AGBL4: variants seen among roughly 807,000 people sequenced by gnomAD.
The protein encoded by AGBL4 is cytosolic carboxypeptidase 6.
In AGBL4, 58 loss-of-function variants were observed where a neutral mutation model predicts 66.4. The observed-to-expected ratio is 0.87, with a 90% CI of 0.71 to 1.09. The LOEUF (loss-of-function observed/expected upper bound fraction) is 1.09, where lower values mean the gene tolerates loss of function less well. AGBL4 is among the 50% of genes least tolerant of loss of function. The pLI, the probability that AGBL4 is intolerant of heterozygous loss-of-function variation, is 0.00. For missense variants in AGBL4, 579 were observed against 631.0 expected (o/e 0.92, Z 0.88); for synonymous variants, 234 against 222.9 (o/e 1.05, Z -0.44).
intron 2 of AGBL4, chr1:49,845,848 G>A (rs1646128610): frequency 7.5e-6 from 11 of 1,458,368 alleles, no homozygotes; most frequent in South Asian, 2.3e-5. Context: ...CAGTCAGTGT[G>A]GGAAGGCCTT....
At chr1:49,284,407 A>G (rs1049316310) in intron 3 of AGBL4, among the ~76,000 whole-genome samples, 2 of 152,322 alleles carry the variant, frequency 1.3e-5, no homozygotes, top group Non-Finnish European at 1.5e-5. Flanking sequence ...GGTACCAGCC[A>G]CTGCAAAATC....
At chr1:49,060,882 T>C (rs899316901) in intron 4 of AGBL4, among the ~76,000 whole-genome samples, 1 of 152,118 alleles carries the variant, frequency 6.6e-6, no homozygotes, top group Non-Finnish European at 1.5e-5. Flanking sequence ...TAGCTTCAAG[T>C]GATCTGGAGT....
chr1:49,153,753 C>G (rs1382654188), intron 4 of AGBL4, among the ~76,000 whole-genome samples: 1 of 151,778 alleles, frequency 6.6e-6, no homozygotes. Context: ...AATGAGGAGG[C>G]CACTAGATAA....
At chr1:49,578,120 G>A (rs1266181070) in intron 3 of AGBL4, among the ~76,000 whole-genome samples, 1 of 152,160 alleles carries the variant, frequency 6.6e-6, no homozygotes, top group Non-Finnish European at 1.5e-5. Context: ...AGTTAAGATT[G>A]CCACCTGGAT....
intron 3 of AGBL4, among the ~76,000 whole-genome samples, chr1:49,555,046 G>T (rs1653309287): frequency 6.6e-6 from 1 of 152,144 alleles, no homozygotes; most frequent in Admixed American, 6.5e-5. Context: ...AGGAAGAAGG[G>T]GAACCGAGTG....
intron 3 of AGBL4, among the ~76,000 whole-genome samples, chr1:49,309,236 C>T (rs1644902514): frequency 6.6e-6 from 1 of 151,992 alleles, no homozygotes; most frequent in Admixed American, 6.6e-5. Context: ...CTGTTGATGG[C>T]AATGATTATT....
chr1:49,472,008 G>A (rs1646755493), intron 3 of AGBL4: 1 of 152,046 alleles, frequency 6.6e-6, no homozygotes, highest in Non-Finnish European at 1.5e-5. Context: ...CAGAAGAAAT[G>A]AGGATCCCCT....
intron 1 of AGBL4, among the ~76,000 whole-genome samples, chr1:49,936,869 C>A (rs1654108882): frequency 1.3e-5 from 2 of 152,156 alleles, no homozygotes; most frequent in African/African-American, 4.8e-5. Context: ...CAACCGGTAC[C>A]AGCCACTACA....
intron 3 of AGBL4, among the ~76,000 whole-genome samples, chr1:49,425,760 G>C (rs1645643170): frequency 4.6e-5 from 7 of 152,146 alleles, no homozygotes; most frequent in Admixed American, 4.6e-4. Flanking sequence ...CAGGGGTGAG[G>C]GGGTGAGAGG....
At chr1:48,582,984 GC>G (rs1342430042) in intron 11 of AGBL4, among the ~76,000 whole-genome samples, 2 of 152,158 alleles carry the variant, frequency 1.3e-5, no homozygotes, top group Non-Finnish European at 2.9e-5. Flanking sequence ...ATTCTCTGCA[GC>G]CCCAGCCCTT....
chr1:49,061,615 G>A (rs927830250), intron 4 of AGBL4, among the ~76,000 whole-genome samples: 2 of 152,134 alleles, frequency 1.3e-5, no homozygotes, highest in Non-Finnish European at 2.9e-5. Flanking sequence ...GCTGGATTCA[G>A]CAACAAGCAT....
At chr1:49,106,952 C>T (rs1645304156) in intron 4 of AGBL4, among the ~76,000 whole-genome samples, 2 of 151,988 alleles carry the variant, frequency 1.3e-5, no homozygotes, top group Admixed American at 6.6e-5. Flanking sequence ...TGGAAAAATA[C>T]TATGATAAGC....
At chr1:48,905,508 G>T (rs1021225702) in intron 5 of AGBL4, among the ~76,000 whole-genome samples, 18 of 152,190 alleles carry the variant, frequency 1.2e-4, no homozygotes, top group African/African-American at 3.1e-4. Context: ...CATATAGAAG[G>T]TTTCTGAAAT....
intron 4 of AGBL4, among the ~76,000 whole-genome samples, chr1:49,122,267 T>C (rs1256310057): frequency 6.6e-6 from 1 of 152,204 alleles, no homozygotes; most frequent in East Asian, 1.9e-4. Context: ...CAGTTGGAAA[T>C]GCAGAAATCA....
At chr1:48,876,435 TC>T (rs1378700072) in intron 5 of AGBL4, among the ~76,000 whole-genome samples, 2 of 152,158 alleles carry the variant, frequency 1.3e-5, no homozygotes, top group African/African-American at 4.8e-5. Context: ...GGAAGGCCGT[TC>T]CAGTCATGAG....
At chr1:48,798,911 G>A (rs147053583) in intron 6 of AGBL4, among the ~76,000 whole-genome samples, 167 of 152,220 alleles carry the variant, frequency 1.1e-3, no homozygotes, top group African/African-American at 3.9e-3. Flanking sequence ...GCTGTACCAC[G>A]TAACTATAGC....
At chr1:48,861,860 A>T (rs1393320282) in intron 6 of AGBL4, among the ~76,000 whole-genome samples, 1 of 152,200 alleles carries the variant, frequency 6.6e-6, no homozygotes, top group African/African-American at 2.4e-5. Context: ...TTGGCAGTGG[A>T]GAACTGATTG....
chr1:49,363,574 T>G (rs1644184205), intron 3 of AGBL4, among the ~76,000 whole-genome samples: 1 of 152,198 alleles, frequency 6.6e-6, no homozygotes, highest in South Asian at 2.1e-4. Flanking sequence ...AATCTATATT[T>G]AGAAGATTGC....
At chr1:49,364,927 T>C (rs993897725) in intron 3 of AGBL4, among the ~76,000 whole-genome samples, 1 of 152,226 alleles carries the variant, frequency 6.6e-6, no homozygotes, top group Non-Finnish European at 1.5e-5. Context: ...ACCACTATAC[T>C]GAACCTATTG....
Sources: allele counts gnomAD v4.1 joint callset (sites outside exome capture counted in the v4.1 genomes callset), GRCh38; gene constraint gnomAD v4.1.1; transcripts MANE v1.5; gene names NCBI Gene and HGNC (gene_info 2026-07-23, HGNC 2026-07-21).